The following TULP4 variants were observed in gnomAD, a reference collection of about 807,000 sequenced individuals.
TULP4 encodes tubby-related protein 4.
Under a neutral mutation model 129.0 loss-of-function variants are expected in TULP4, and 16 were observed. The ratio of observed to expected loss-of-function variants is 0.12; its 90% CI spans 0.08 to 0.19. TULP4 has a LOEUF of 0.19. Ranked by LOEUF, TULP4 falls within the 10% of genes least tolerant of loss-of-function variation. The probability of loss-of-function intolerance (pLI) is 1.00; values close to 1 mark genes in which losing one functional copy is unlikely to be tolerated. For synonymous variants in TULP4, 998 were observed against 854.0 expected (o/e 1.17, Z -2.94); for missense variants, 1,842 against 2,059.1 (o/e 0.89, Z 2.04).
At chr6:158,423,894 C>G (rs908540788) in intron 2 of TULP4, among the ~76,000 whole-genome samples, 2 of 152,084 alleles carry the variant, frequency 1.3e-5, no homozygotes, top group African/African-American at 4.8e-5. Context: ...CCCACCTCAG[C>G]CTCCCAAAGT....
At chr6:158,303,690 C>G (rs1779166414) in intron 1 of TULP4, among the ~76,000 whole-genome samples, 1 of 152,196 alleles carries the variant, frequency 6.6e-6, no homozygotes, top group South Asian at 2.1e-4. Flanking sequence ...ATATCTACCT[C>G]CCCTTGAGCA....
chr6:158,301,062 G>T (rs1248169221), intron 1 of TULP4, among the ~76,000 whole-genome samples: 1 of 152,158 alleles, frequency 6.6e-6, no homozygotes, highest in Admixed American at 6.5e-5. Context: ...TTGGCGAACC[G>T]CCTGTTGTAA....
chr6:158,240,336 G>C (rs1777856037), intron 1 of TULP4, among the ~76,000 whole-genome samples: 1 of 85,382 alleles, frequency 1.2e-5, no homozygotes, highest in African/African-American at 4.0e-5. Context: ...CGGCTGGCCG[G>C]GCGGGGGGCT....
At chr6:158,486,780 T>A (rs1333743995) in intron 8 of TULP4, among the ~76,000 whole-genome samples, 1 of 152,148 alleles carries the variant, frequency 6.6e-6, no homozygotes, top group Non-Finnish European at 1.5e-5. Context: ...TTAAAAGCCA[T>A]TAAAACCGTT....
At chr6:158,338,306 C>T (rs529454791) in intron 1 of TULP4, among the ~76,000 whole-genome samples, 2 of 152,208 alleles carry the variant, frequency 1.3e-5, no homozygotes, top group African/African-American at 4.8e-5. Flanking sequence ...TAGATGTGAG[C>T]CACCCCACCC....
intron 1 of TULP4, among the ~76,000 whole-genome samples, chr6:158,276,494 A>G (rs1242873640): frequency 6.6e-6 from 1 of 150,940 alleles, no homozygotes; most frequent in African/African-American, 2.4e-5. Flanking sequence ...TATAGTAGAC[A>G]TGGAGTCTCA....
intron 1 of TULP4, among the ~76,000 whole-genome samples, chr6:158,274,442 A>G (rs1778603692): frequency 6.6e-6 from 1 of 151,954 alleles, no homozygotes; most frequent in African/African-American, 2.4e-5. Flanking sequence ...TCCACACAAC[A>G]ATGTTGTTCC....
chr6:158,474,653 G>A (rs1779775024), intron 6 of TULP4, among the ~76,000 whole-genome samples: 1 of 152,142 alleles, frequency 6.6e-6, no homozygotes, highest in Non-Finnish European at 1.5e-5. Flanking sequence ...CACGTTATCA[G>A]GTAGTTCCTG....
chr6:158,339,970 C>T (rs1031245718), intron 1 of TULP4, among the ~76,000 whole-genome samples: 1 of 152,238 alleles, frequency 6.6e-6, no homozygotes, highest in African/African-American at 2.4e-5. Context: ...TTATATTCTT[C>T]TGCCATGGCT....
At chr6:158,394,961 A>G (rs766666611) in intron 1 of TULP4, among the ~76,000 whole-genome samples, 93 of 152,064 alleles carry the variant, frequency 6.1e-4, no homozygotes, top group Non-Finnish European at 1.2e-3. Flanking sequence ...GGTTCTTCAC[A>G]TGGTGGTAGA....
chr6:158,427,705 A>G (rs2115053083), intron 2 of TULP4: 1 of 151,868 alleles, frequency 6.6e-6, no homozygotes, highest in East Asian at 2.0e-4. Flanking sequence ...TGTTGGCCAG[A>G]TGGTCTCGAT....
chr6:158,260,460 C>T (rs1055033445), intron 1 of TULP4, among the ~76,000 whole-genome samples: 1 of 151,824 alleles, frequency 6.6e-6, no homozygotes, highest in Non-Finnish European at 1.5e-5. Flanking sequence ...CCTGTAGTCC[C>T]AGCTACTCGG....
intron 4 of TULP4, among the ~76,000 whole-genome samples, chr6:158,451,464 A>G (rs886254064): frequency 6.6e-6 from 1 of 152,200 alleles, no homozygotes; most frequent in Non-Finnish European, 1.5e-5. Flanking sequence ...GCATCTAGGA[A>G]GGGCTTACTT....
intron 1 of TULP4, among the ~76,000 whole-genome samples, chr6:158,240,896 C>T (rs1321551317): frequency 6.6e-6 from 1 of 150,492 alleles, no homozygotes; most frequent in South Asian, 2.1e-4. Flanking sequence ...CGGAGACGCT[C>T]CTCACTTCCC....
intron 1 of TULP4, among the ~76,000 whole-genome samples, chr6:158,387,810 A>G (rs918068791): frequency 1.1e-4 from 16 of 152,220 alleles, no homozygotes; most frequent in African/African-American, 3.6e-4. Context: ...CTCTAAAGCC[A>G]CCTGGAAATG....
intron 1 of TULP4, among the ~76,000 whole-genome samples, chr6:158,322,314 A>G (rs1007099684): frequency 2.6e-5 from 4 of 152,092 alleles, no homozygotes; most frequent in African/African-American, 9.7e-5. Flanking sequence ...TATTTCCTTT[A>G]GTGATGGCCT....
chr6:158,367,923 CA>C (rs11351338), intron 1 of TULP4, among the ~76,000 whole-genome samples: 66,402 of 139,470 alleles, frequency 0.48, 15,894 homozygotes, highest in African/African-American at 0.61. Flanking sequence ...ACAAATAATA[CA>C]AAAAAAAAAA....
chr6:158,246,023 G>GTGTGTGTGTGTGT (rs1778022881), intron 1 of TULP4, among the ~76,000 whole-genome samples: 1 of 145,822 alleles, frequency 6.9e-6, no homozygotes, highest in South Asian at 2.2e-4. Flanking sequence ...ACCCCTTAGG[G>GTGTGTGTGTGTGT]GTGTGTGTGT....
chr6:158,491,436 TC>T (rs1780200816), intron 9 of TULP4, among the ~76,000 whole-genome samples: 1,175 of 25,234 alleles, frequency 0.047, 21 homozygotes, highest in East Asian at 0.11. Flanking sequence ...TTTCTTTCTT[TC>T]TTTCTTTTCT....
Sources: gnomAD v4.1 joint callset for allele counts (sites outside exome capture counted in the v4.1 genomes callset) on GRCh38, gnomAD v4.1.1 for gene constraint, MANE v1.5 for transcripts, NCBI Gene and HGNC (gene_info 2026-07-23, HGNC 2026-07-21) for gene names.